The following ASB3 variants were observed in gnomAD, a reference collection of about 807,000 sequenced individuals.
ASB3 encodes ankyrin repeat and SOCS box containing 3.
A neutral mutation model predicts 54.5 loss-of-function variants in ASB3; 41 were observed. The observed-to-expected ratio is 0.75, with a 90% CI of 0.59 to 0.98. The LOEUF is 0.98. Among genes scored for constraint, ASB3 ranks in the 50% least tolerant of loss-of-function variants. The pLI, the probability that ASB3 is intolerant of heterozygous loss-of-function variation, is 0.00. For synonymous variants in ASB3, 266 were observed against 221.2 expected (o/e 1.20, Z -1.80); for missense variants, 733 against 620.0 (o/e 1.18, Z -1.94).
At chr2:53,697,416 T>C (rs999111811) in intron 8 of ASB3, among the ~76,000 whole-genome samples, 3 of 152,164 alleles carry the variant, frequency 2.0e-5, no homozygotes, top group African/African-American at 7.2e-5. Context: ...TTTGTTCCCT[T>C]ACTTTGTTAA....
chr2:53,677,963 A>C (rs1314350791), intron 9 of ASB3, among the ~76,000 whole-genome samples: 1 of 152,180 alleles, frequency 6.6e-6, no homozygotes, highest in African/African-American at 2.4e-5. Flanking sequence ...ATTAGGTGGT[A>C]GTCATTTTTA....
chr2:53,776,564 C>A (rs1674349400), intron 1 of ASB3, among the ~76,000 whole-genome samples: 1 of 152,114 alleles, frequency 6.6e-6, no homozygotes, highest in Non-Finnish European at 1.5e-5. Flanking sequence ...TCATAGTACT[C>A]TGGAGTGCTG....
At chr2:53,709,298 A>G (rs531019056) in intron 7 of ASB3, among the ~76,000 whole-genome samples, 120 of 152,356 alleles carry the variant, frequency 7.9e-4, no homozygotes, top group South Asian at 1.2e-3. Context: ...ACAAGTCACA[A>G]TGGTGGCTTC....
chr2:53,756,813 C>T lies in ASB3; in HGVS notation c.197-5872G>A, dbSNP rs568431268. ...GACCCGCTGTTGACTTCTACCCCTC[C>T]GATCTGGCAGGGTGTCCACTGCACT... is the stretch of plus-strand genomic sequence containing the variant. On this transcript the variant is annotated intron_variant, in intron 2 of 9. Transcript: ENST00000263634. 92 of 153,172 alleles carry T rather than the reference C, an allele frequency of 6.0e-4. 1 individual carries two copies. In the South Asian group the frequency reaches 0.015, roughly 26 times the overall value. The allele number at this position is 153,172 out of a possible 1,614,324, so 9.5% of individuals were successfully genotyped here.
At chr2:53,713,237 G>C (rs1457329177) in intron 7 of ASB3, among the ~76,000 whole-genome samples, 1 of 152,176 alleles carries the variant, frequency 6.6e-6, no homozygotes, top group African/African-American at 2.4e-5. Context: ...AATGTTAAGA[G>C]ATAGTAAAGG....
chr2:53,713,151 T>G (rs1257270947), intron 7 of ASB3, among the ~76,000 whole-genome samples: 1 of 152,102 alleles, frequency 6.6e-6, no homozygotes, highest in African/African-American at 2.4e-5. Context: ...ACCAGGCTGG[T>G]GAAACCCTAT....
chr2:53,697,339 G>T (rs555234615), intron 8 of ASB3, among the ~76,000 whole-genome samples: 135 of 152,310 alleles, frequency 8.9e-4, no homozygotes, highest in African/African-American at 3.0e-3. Flanking sequence ...ATGTAATCAA[G>T]AAGTAACAAT....
intron 1 of ASB3, among the ~76,000 whole-genome samples, 180 bp from the exon 2 acceptor site, chr2:53,765,765 T>G (rs1407741536): frequency 6.6e-6 from 1 of 152,188 alleles, no homozygotes; most frequent in African/African-American, 2.4e-5. Flanking sequence ...AGGAAGTTTC[T>G]CTGTTTGGCA....
intron 3 of ASB3, among the ~76,000 whole-genome samples, chr2:53,750,220 G>C (rs562490610): frequency 6.6e-6 from 1 of 151,824 alleles, no homozygotes. Flanking sequence ...AAATAGAATC[G>C]AATAGAAAAA....
At chr2:53,723,497 C>T (rs1009697935) in intron 5 of ASB3, among the ~76,000 whole-genome samples, 5 of 152,094 alleles carry the variant, frequency 3.3e-5, no homozygotes, top group Non-Finnish European at 7.4e-5. Flanking sequence ...CATCCTTTCC[C>T]TGAGTCCCTG....
In ASB3 at chr2:53,670,442, C is replaced by T; in HGVS notation, c.*61G>A. ...AATCATAAAAACTTGTACTCTGTGG[C>T]TCTTTTGTCTCGATGATTTTTCAGA... On this transcript the variant is annotated 3_prime_UTR_variant, in exon 10 of 10. Transcript: ENST00000263634. The T allele has an allele frequency of 1.3e-6, 2 of 1,547,706 alleles. No homozygotes were observed. Among genetic ancestry groups the T allele is most frequent in the Non-Finnish European group, 8.7e-7 (1 of 1,145,370 alleles).
At chr2:53,722,798 C>T (rs1670781940) in intron 5 of ASB3, among the ~76,000 whole-genome samples, 1 of 152,170 alleles carries the variant, frequency 6.6e-6, no homozygotes, top group Admixed American at 6.5e-5. Flanking sequence ...GATACCCACT[C>T]TTACCACTCC....
chr2:53,751,978 C>T (rs377455120), intron 2 of ASB3, among the ~76,000 whole-genome samples: 4 of 152,112 alleles, frequency 2.6e-5, no homozygotes, highest in African/African-American at 4.8e-5. Flanking sequence ...TGAGATTAGT[C>T]GGAGATTAGT....
intron 9 of ASB3, 71 bp from the exon 10 acceptor site, chr2:53,670,761 T>G (rs776407941): frequency 1.9e-5 from 29 of 1,502,108 alleles, no homozygotes; most frequent in Admixed American, 2.4e-5. Context: ...AAGGTAAATT[T>G]TTTTTTCCCC....
At chr2:53,671,764 A>C (rs1667834885) in intron 9 of ASB3, among the ~76,000 whole-genome samples, 1 of 127,282 alleles carries the variant, frequency 7.9e-6, no homozygotes, top group African/African-American at 2.8e-5. Flanking sequence ...CTTCTCAAAA[A>C]AAAAAAGAAA....
At chr2:53,711,468 T>G (rs1023938927) in intron 7 of ASB3, among the ~76,000 whole-genome samples, 1 of 152,202 alleles carries the variant, frequency 6.6e-6, no homozygotes, top group Non-Finnish European at 1.5e-5. Context: ...AGATCAGGGT[T>G]GGCCCTCAGG....
intron 5 of ASB3, among the ~76,000 whole-genome samples, chr2:53,727,685 T>C (rs776181277): frequency 2.0e-5 from 3 of 152,174 alleles, no homozygotes; most frequent in African/African-American, 4.8e-5. Flanking sequence ...ATCTATTTTC[T>C]ATTTAAAGGA....
At chr2:53,672,038 C>T (rs1380938845) in intron 9 of ASB3, among the ~76,000 whole-genome samples, 1 of 152,032 alleles carries the variant, frequency 6.6e-6, no homozygotes, top group East Asian at 1.9e-4. Context: ...GGCTTGAGAC[C>T]AATTAATTCT....
At chr2:53,768,332 T>G (rs1331324156) in intron 1 of ASB3, 6 of 260,670 alleles carry the variant, frequency 2.3e-5, no homozygotes, top group Non-Finnish European at 2.9e-5. Flanking sequence ...CTGCAACCTC[T>G]GCCAAAAGAA....
Sources: allele counts gnomAD v4.1 joint callset (sites outside exome capture counted in the v4.1 genomes callset), GRCh38; gene constraint gnomAD v4.1.1; transcripts MANE v1.5; gene names NCBI Gene and HGNC (gene_info 2026-07-23, HGNC 2026-07-21).